STAM2: variants seen among roughly 807,000 people sequenced by gnomAD.
STAM2 encodes signal transducing adaptor molecule 2.
STAM2 carries 51 observed loss-of-function variants against 65.6 expected under a neutral mutation model. The observed-to-expected ratio is 0.78, with a 90% CI of 0.62 to 0.98. The LOEUF is 0.98. STAM2 is among the 50% of genes least tolerant of loss of function. The pLI, the probability that STAM2 is intolerant of heterozygous loss-of-function variation, is 0.00. For missense variants in STAM2, 584 were observed against 617.8 expected, an observed-to-expected ratio of 0.95 and a Z score of 0.58; for synonymous variants, 198 against 208.4, an observed-to-expected ratio of 0.95 and a Z score of 0.43.
chr2:152,137,795 C>T (rs558528765), intron 7 of STAM2, among the ~76,000 whole-genome samples: 1 of 151,482 alleles, frequency 6.6e-6, no homozygotes, highest in African/African-American at 2.4e-5. Context: ...TTTTAATGTA[C>T]TATGTGAAAC....
At chr2:152,136,530 T>C (rs1689157695) in intron 7 of STAM2, among the ~76,000 whole-genome samples, 1 of 152,146 alleles carries the variant, frequency 6.6e-6, no homozygotes, top group Admixed American at 6.5e-5. Flanking sequence ...ACCACATCCA[T>C]CTTACCACAC....
intron 2 of STAM2, among the ~76,000 whole-genome samples, chr2:152,149,758 A>G (rs1689408049): frequency 6.6e-6 from 1 of 152,184 alleles, no homozygotes. Flanking sequence ...TCGGCCTCTC[A>G]AAGTTCTGGG....
Position 152,133,171 on chromosome 2 carries a change from A to G in STAM2, c.970+2T>C. ...AAATAATATAAAATATTCACTAAGT[A>G]CCTTCTAAATCCAAAAGGTCTTGGG... On this transcript the variant is annotated splice_donor_variant, in intron 10 of 13. Transcript: ENST00000263904. LOFTEE classifies it high-confidence loss of function. 1 of 1,481,958 alleles carries G rather than the reference A, an allele frequency of 6.7e-7. No individual in the cohort carries two copies. The highest frequency in any genetic ancestry group is 9.1e-7 in the Non-Finnish European group (1 of 1,104,672). The allele number at this position is 1,481,958 out of a possible 1,614,324, so 91.8% of individuals were successfully genotyped here.
chr2:152,173,056 T>G (rs982193203), intron 1 of STAM2, among the ~76,000 whole-genome samples: 2 of 151,896 alleles, frequency 1.3e-5, no homozygotes, highest in African/African-American at 2.4e-5. Context: ...ACAGGTCTTA[T>G]GTCTCTCTGT....
Position 152,135,530 on chromosome 2 carries a change from A to C in STAM2, c.778T>G (p.Leu260Val), listed in dbSNP as rs1689138005. Reference sequence around the variant, plus strand: ...TTACCTGCCTCAGTCTCTATGTTTAAATTAGTTGTTACAAAATTGGATGGG... The same window carrying C: ...TTACCTGCCTCAGTCTCTATGTTTACATTAGTTGTTACAAAATTGGATGGG... ...LFPSNFVTTN[L>V]NIETEAAAVD... is the part of the protein sequence containing the mutation. The change falls in exon 8 of 14, where the codon TTA (leucine) becomes GTA (valine). Residue 260 changes from leucine to valine, a missense_variant. Physicochemically the swap from Leu to Val is conservative, Grantham distance 32 (BLOSUM62 1). Coordinates refer to ENST00000263904, the MANE Select transcript of STAM2 (RefSeq NM_005843.6). The C allele has an allele frequency of 6.2e-7, 1 of 1,611,614 alleles. No individual in the cohort carries two copies. Among genetic ancestry groups the C allele is most frequent in the Non-Finnish European group, 8.5e-7 (1 of 1,178,834 alleles).
intron 8 of STAM2, among the ~76,000 whole-genome samples, chr2:152,133,735 A>G (rs546117280): frequency 6.5e-4 from 99 of 152,306 alleles, no homozygotes; most frequent in Admixed American, 1.4e-3. Context: ...TGAATAAAAC[A>G]GACAAGAATC....
Position 152,124,174 on chromosome 2 carries a change from C to A in STAM2, c.1180-239G>T. ...TTTTTACAGAGAGCTGGGAGAAAGA[C>A]AGGTGGTGTACTTTTAAGTAGTGGA... On this transcript the variant is annotated intron_variant, in intron 12 of 13. Transcript: ENST00000263904. 10 of 462,072 alleles carry A rather than the reference C, an allele frequency of 2.2e-5. No individual in the cohort carries two copies. The South Asian group carries it at 2.7e-4, about 13-fold the overall frequency. The allele number at this position is 462,072 out of a possible 1,614,324, so 28.6% of individuals were successfully genotyped here.
At chr2:152,140,518 A>C (rs2105542357) in intron 7 of STAM2, among the ~76,000 whole-genome samples, 1 of 152,330 alleles carries the variant, frequency 6.6e-6, no homozygotes, top group South Asian at 2.1e-4. Context: ...GGATATAATT[A>C]TCACGTGAGA....
chr2:152,175,336 G>A (rs1362005797), intron 1 of STAM2, among the ~76,000 whole-genome samples: 2 of 152,154 alleles, frequency 1.3e-5, no homozygotes, highest in Non-Finnish European at 2.9e-5. Context: ...GCGAGCCCTA[G>A]GCTCTTCCCA....
chr2:152,131,077 A>G (rs141809586), intron 11 of STAM2, among the ~76,000 whole-genome samples: 18 of 152,258 alleles, frequency 1.2e-4, no homozygotes, highest in African/African-American at 4.3e-4. Flanking sequence ...TACAAGGACA[A>G]GAAATGAAAA....
intron 1 of STAM2, among the ~76,000 whole-genome samples, chr2:152,171,255 A>C (rs953955087): frequency 6.6e-6 from 1 of 152,148 alleles, no homozygotes; most frequent in Non-Finnish European, 1.5e-5. Context: ...AAGTATATCA[A>C]AATATTAGCA....
intron 1 of STAM2, among the ~76,000 whole-genome samples, chr2:152,162,678 G>T (rs1054584755): frequency 6.6e-6 from 1 of 152,174 alleles, no homozygotes; most frequent in Admixed American, 6.5e-5. Context: ...GTCTCACTCT[G>T]TTGCCCAGGT....
rs191059518 is a variant in STAM2, at chr2:152,136,349, A to G, written c.705-746T>C. Among the ~76,000 whole-genome samples, 630 of 152,240 alleles carry G rather than the reference A, an allele frequency of 4.1e-3. 2 individuals are homozygous for G. Among genetic ancestry groups the G allele is most frequent in the Admixed American group, 6.5e-3 (100 of 15,296 alleles). ...TCCCAGCAACTTGGGAGGCTGACGC[A>G]GGAGAATCGCTTGAACCAAGAAGGC... On this transcript the variant is annotated intron_variant, in intron 7 of 13. Transcript: ENST00000263904.
chr2:152,159,658 G>C (rs1689622207), intron 1 of STAM2, among the ~76,000 whole-genome samples: 2 of 152,044 alleles, frequency 1.3e-5, no homozygotes, highest in African/African-American at 2.4e-5. Flanking sequence ...TTTTCCCATT[G>C]GAAAAGTATG....
At chr2:152,172,459 G>A (rs1689912567) in intron 1 of STAM2, among the ~76,000 whole-genome samples, 1 of 151,978 alleles carries the variant, frequency 6.6e-6, no homozygotes. Flanking sequence ...TCACCCTCCT[G>A]CAAGACTCTT....
intron 13 of STAM2, among the ~76,000 whole-genome samples, chr2:152,121,536 T>G (rs1161242779): frequency 6.6e-6 from 1 of 152,212 alleles, no homozygotes; most frequent in African/African-American, 2.4e-5. Flanking sequence ...AGTCCACCTC[T>G]TCTCTGTAAA....
intron 7 of STAM2, 85 bp downstream of exon 7, chr2:152,143,742 C>A (rs982285128): frequency 4.5e-6 from 5 of 1,099,324 alleles, no homozygotes; most frequent in Non-Finnish European, 6.4e-6. Flanking sequence ...GATTTAAATA[C>A]ACTAAAAGTC....
intron 1 of STAM2, among the ~76,000 whole-genome samples, chr2:152,164,334 T>A (rs1405717341): frequency 6.6e-6 from 1 of 152,028 alleles, no homozygotes; most frequent in African/African-American, 2.4e-5. Context: ...CAGAATGCCA[T>A]GATTAACTTT....
chr2:152,135,644 T>C (rs954488765), intron 7 of STAM2, 41 bp from the exon 8 acceptor site: 5 of 1,272,542 alleles, frequency 3.9e-6, no homozygotes, highest in Non-Finnish European at 5.6e-6. Context: ...TTCCCCACAT[T>C]TTAATACAAT....
Sources: allele counts gnomAD v4.1 joint callset (sites outside exome capture counted in the v4.1 genomes callset), GRCh38; gene constraint gnomAD v4.1.1; transcripts MANE v1.5; gene names NCBI Gene and HGNC (gene_info 2026-07-23, HGNC 2026-07-21).